CMTM8: variants seen among roughly 807,000 people sequenced by gnomAD.
CMTM8 encodes CKLF like MARVEL transmembrane domain containing 8.
In CMTM8, 12 loss-of-function variants were observed where a neutral mutation model predicts 18.6. The ratio of observed to expected loss-of-function variants is 0.65; its 90% CI spans 0.41 to 1.05. The LOEUF (loss-of-function observed/expected upper bound fraction) is 1.05. Ranked by LOEUF, CMTM8 falls within the 50% of genes least tolerant of loss-of-function variation. The pLI is 0.00. For missense variants in CMTM8, 217 were observed against 227.2 expected (o/e 0.95, Z 0.29); for synonymous variants, 87 against 90.6 (o/e 0.96, Z 0.23).
intron 1 of CMTM8, among the ~76,000 whole-genome samples, chr3:32,257,545 T>C (rs1026558952): frequency 6.6e-6 from 1 of 152,204 alleles, no homozygotes; most frequent in Non-Finnish European, 1.5e-5. Context: ...AAATTTCCAG[T>C]TAAGTATGCT....
intron 1 of CMTM8, among the ~76,000 whole-genome samples, chr3:32,251,996 G>A (rs1190145474): frequency 6.6e-6 from 1 of 151,994 alleles, no homozygotes; most frequent in Non-Finnish European, 1.5e-5. Flanking sequence ...AGGCTGAGGT[G>A]GGAGGATGGC....
intron 3 of CMTM8, among the ~76,000 whole-genome samples, chr3:32,369,358 TA>T (rs532994544): frequency 7.9e-5 from 12 of 152,068 alleles, no homozygotes; most frequent in Non-Finnish European, 1.6e-4. Context: ...CCGGTGACAT[TA>T]AAAATCACAA....
intron 1 of CMTM8, among the ~76,000 whole-genome samples, chr3:32,345,830 C>CA (rs1459726744): frequency 2.0e-5 from 3 of 152,192 alleles, no homozygotes; most frequent in African/African-American, 4.8e-5. Context: ...AGGACCAAAG[C>CA]TGCTGTTACT....
intron 1 of CMTM8, among the ~76,000 whole-genome samples, chr3:32,334,792 T>TA (rs1447334571): frequency 6.6e-6 from 1 of 151,972 alleles, no homozygotes; most frequent in Non-Finnish European, 1.5e-5. Flanking sequence ...CTCCCACAGT[T>TA]AAAAAAAATT....
At chr3:32,347,594 AT>A (rs1248722384) in intron 1 of CMTM8, among the ~76,000 whole-genome samples, 1 of 151,886 alleles carries the variant, frequency 6.6e-6, no homozygotes, top group African/African-American at 2.4e-5. Flanking sequence ...TTTGTCTCAC[AT>A]TTTTTCCAAT....
chr3:32,290,515 T>C (rs772883869), intron 1 of CMTM8, among the ~76,000 whole-genome samples: 1 of 152,234 alleles, frequency 6.6e-6, no homozygotes, highest in African/African-American at 2.4e-5. Context: ...GTGTTATATG[T>C]GAAACAGGTA....
intron 1 of CMTM8, among the ~76,000 whole-genome samples, chr3:32,335,992 C>T (rs1174996454): frequency 2.0e-5 from 3 of 152,210 alleles, no homozygotes; most frequent in Admixed American, 6.5e-5. Flanking sequence ...GTGGGAGAGG[C>T]CCTCCAGGGC....
intron 3 of CMTM8, among the ~76,000 whole-genome samples, chr3:32,368,330 CA>C (rs1341429462): frequency 6.6e-6 from 1 of 151,856 alleles, no homozygotes; most frequent in Non-Finnish European, 1.5e-5. Context: ...AATATAATTC[CA>C]TTTAGTTTTT....
chr3:32,260,463 C>G (rs1435453156), intron 1 of CMTM8, among the ~76,000 whole-genome samples: 1 of 152,146 alleles, frequency 6.6e-6, no homozygotes, highest in African/African-American at 2.4e-5. Flanking sequence ...ACTCAGTTGT[C>G]CCAACATTTC....
chr3:32,307,036 G>A (rs1458453807), intron 1 of CMTM8, among the ~76,000 whole-genome samples: 3 of 151,556 alleles, frequency 2.0e-5, no homozygotes, highest in Admixed American at 1.3e-4. Context: ...GTGAAATCCC[G>A]TCTCTACTAA....
At chr3:32,239,837 T>G (rs2125524693) in intron 1 of CMTM8, among the ~76,000 whole-genome samples, 1 of 152,220 alleles carries the variant, frequency 6.6e-6, no homozygotes, top group South Asian at 2.1e-4. Flanking sequence ...ACTGTTTGAG[T>G]CTTCTTCGTG....
intron 1 of CMTM8, among the ~76,000 whole-genome samples, chr3:32,244,851 G>T (rs1411374884): frequency 2.0e-5 from 3 of 152,154 alleles, no homozygotes; most frequent in Non-Finnish European, 4.4e-5. Flanking sequence ...GGGCTAAAGG[G>T]TATATAAATC....
At chr3:32,305,405 G>T (rs1341645642) in intron 1 of CMTM8, among the ~76,000 whole-genome samples, 1 of 152,064 alleles carries the variant, frequency 6.6e-6, no homozygotes, top group African/African-American at 2.4e-5. Context: ...GGTACAAAAT[G>T]TCACTGATGG....
intron 1 of CMTM8, among the ~76,000 whole-genome samples, chr3:32,316,597 A>C (rs894028745): frequency 6.6e-6 from 1 of 152,194 alleles, no homozygotes; most frequent in Admixed American, 6.5e-5. Context: ...ATGTTGAATC[A>C]ATTGTTGAGC....
intron 1 of CMTM8, among the ~76,000 whole-genome samples, chr3:32,269,757 A>G (rs1228457524): frequency 6.6e-6 from 1 of 152,176 alleles, no homozygotes; most frequent in Non-Finnish European, 1.5e-5. Context: ...GTAAAATATC[A>G]TACAGTACTA....
At position 32,256,344 on chromosome 3, in the gene CMTM8, A is replaced by C. The variant is rs143725692; in HGVS notation, c.147+17225A>C. 3.2e-3 allele frequency among the ~76,000 whole-genome samples: 489 copies of C among 152,234 alleles called. 2 individuals are homozygous for C. Among genetic ancestry groups the C allele is most frequent in the African/African-American group, 0.011 (454 of 41,548 alleles). On this transcript the variant is annotated intron_variant, in intron 1 of 3. Transcript: ENST00000307526. ...CTCGGCTTCCCAGAGTGCTGGGATT[A>C]CAGGTGTGAGTCACTGTACCTGGCT...
At chr3:32,283,585 C>T (rs988630321) in intron 1 of CMTM8, among the ~76,000 whole-genome samples, 3 of 152,128 alleles carry the variant, frequency 2.0e-5, no homozygotes, top group African/African-American at 4.8e-5. Flanking sequence ...CATTTCAGGC[C>T]GGGCAGTTGA....
chr3:32,239,145 C>CG lies in CMTM8; in HGVS notation c.147+32dup, dbSNP rs772984103. ...GTGAGTGCCGACGGGCCGGGGGTGG[C>CG]GGGGGGCTCAGCTGGACCCCGGCGC... is the stretch of plus-strand genomic sequence containing the variant. On this transcript the variant is annotated intron_variant, in intron 1 of 3. Coordinates refer to ENST00000307526, the MANE Select transcript of CMTM8 (RefSeq NM_178868.5). The CG allele has an allele frequency of 6.3e-6, 10 of 1,577,158 alleles. No individual in the cohort carries two copies. The East Asian group carries it at 1.2e-4, about 19-fold the overall frequency.
chr3:32,238,447 A>G (rs78869384), upstream of CMTM8: 9,481 of 152,392 alleles, frequency 0.062, 567 homozygotes, highest in East Asian at 0.23. Flanking sequence ...GCCTGACAGA[A>G]GTAAAGGCCG....
Sources: allele counts gnomAD v4.1 joint callset (sites outside exome capture counted in the v4.1 genomes callset), GRCh38; gene constraint gnomAD v4.1.1; transcripts MANE v1.5; gene names NCBI Gene and HGNC (gene_info 2026-07-23, HGNC 2026-07-21).